Variants in CNTNAP2 observed in about 807,000 individuals in gnomAD.
CNTNAP2 encodes the protein contactin-associated protein-like 2.
In CNTNAP2, 98 loss-of-function variants were observed where a neutral mutation model predicts 155.2. The ratio of observed to expected loss-of-function variants is 0.63; its 90% confidence interval spans 0.54 to 0.75. The LOEUF (loss-of-function observed/expected upper bound fraction) is 0.75. Among genes scored for constraint, CNTNAP2 ranks in the 30% least tolerant of loss-of-function variants. The pLI, the probability that CNTNAP2 is intolerant of heterozygous loss-of-function variation, is 0.00. For missense variants in CNTNAP2, 1,727 were observed against 1,688.1 expected (o/e 1.02, Z -0.40); for synonymous variants, 651 against 631.2 (o/e 1.03, Z -0.47).
chr7:146,929,770 G>A (rs1057461387), intron 3 of CNTNAP2, among the ~76,000 whole-genome samples: 1 of 152,186 alleles, frequency 6.6e-6, no homozygotes, highest in Admixed American at 6.5e-5. Flanking sequence ...GAAAGCCAAG[G>A]CTCGAGAACT....
chr7:147,101,928 A>G (rs1800665737), intron 4 of CNTNAP2, among the ~76,000 whole-genome samples: 1 of 152,154 alleles, frequency 6.6e-6, no homozygotes, highest in Non-Finnish European at 1.5e-5. Flanking sequence ...AACTGTTCTC[A>G]TTTAGCACCA....
Position 147,061,789 on chromosome 7 carries a change from T to A in CNTNAP2, c.550+17735T>A, listed in dbSNP as rs138759484. Among the ~76,000 whole-genome samples the A allele has an allele frequency of 1.0e-2, 1,521 of 152,258 alleles. 76 individuals are homozygous for A. The highest frequency in any genetic ancestry group is 0.086 in the Admixed American group (1,309 of 15,276). On this transcript the variant is annotated intron_variant, in intron 4 of 23. Transcript: ENST00000361727. ...AAAACAAAACAAAACAAAAAAACAC[T>A]AGCTGAATAAACTAGTATACTTAGT...
chr7:147,861,607 A>G (rs1037879623), intron 13 of CNTNAP2, among the ~76,000 whole-genome samples: 1 of 152,220 alleles, frequency 6.6e-6, no homozygotes, highest in African/African-American at 2.4e-5. Context: ...CAGCCATTGC[A>G]TTATAGAATC....
chr7:147,896,901 C>T (rs559194211), intron 13 of CNTNAP2: 1 of 152,008 alleles, frequency 6.6e-6, no homozygotes, highest in Non-Finnish European at 1.5e-5. Context: ...AAGTTAGTTC[C>T]GCCTACACCC....
At chr7:147,115,486 T>C (rs990009570) in intron 5 of CNTNAP2, among the ~76,000 whole-genome samples, 50 of 152,218 alleles carry the variant, frequency 3.3e-4, no homozygotes, top group Non-Finnish European at 8.8e-5. Context: ...CTTTACATAA[T>C]TCCATATTTC....
At chr7:147,893,846 T>G (rs1799731854) in intron 13 of CNTNAP2, among the ~76,000 whole-genome samples, 1 of 152,218 alleles carries the variant, frequency 6.6e-6, no homozygotes, top group Admixed American at 6.5e-5. Flanking sequence ...AAGAGGAAGC[T>G]GTCTGTATTT....
chr7:148,283,252 A>AG (rs1422824457), intron 21 of CNTNAP2, among the ~76,000 whole-genome samples: 3 of 73,876 alleles, frequency 4.1e-5, no homozygotes, highest in Admixed American at 1.7e-4. Flanking sequence ...AAAAAAAAAA[A>AG]AAAAAAGAAA....
intron 15 of CNTNAP2, among the ~76,000 whole-genome samples, chr7:147,982,291 A>AC (rs1272794205): frequency 9.8e-6 from 1 of 101,554 alleles, no homozygotes; most frequent in African/African-American, 4.0e-5. Flanking sequence ...GTTTGTCAGA[A>AC]CCATAGGAAA....
intron 12 of CNTNAP2, among the ~76,000 whole-genome samples, chr7:147,613,836 C>T (rs1410136278): frequency 6.6e-6 from 1 of 152,056 alleles, no homozygotes; most frequent in African/African-American, 2.4e-5. Flanking sequence ...GAGTGAGACT[C>T]CGTTTCCAAT....
At chr7:148,254,592 C>T (rs533389748) in intron 20 of CNTNAP2, among the ~76,000 whole-genome samples, 6 of 152,064 alleles carry the variant, frequency 3.9e-5, no homozygotes, top group African/African-American at 1.4e-4. Context: ...CTGGCTAACA[C>T]GGTGAAACCC....
At chr7:147,536,332 A>G (rs1052864887) in intron 11 of CNTNAP2, among the ~76,000 whole-genome samples, 6 of 152,252 alleles carry the variant, frequency 3.9e-5, no homozygotes, top group African/African-American at 1.4e-4. Flanking sequence ...AGGTACAGAT[A>G]AAGTCCCTGC....
chr7:147,245,729 T>G (rs1804046072), intron 8 of CNTNAP2, among the ~76,000 whole-genome samples: 1 of 113,834 alleles, frequency 8.8e-6, no homozygotes, highest in South Asian at 2.9e-4. Flanking sequence ...GCCACTGCAC[T>G]CCAGCCTAGG....
intron 13 of CNTNAP2, among the ~76,000 whole-genome samples, chr7:147,882,610 C>T (rs1799540527): frequency 6.6e-6 from 1 of 152,192 alleles, no homozygotes. Context: ...AGGAAGGCTT[C>T]CGAGTCTCTC....
At chr7:148,330,785 G>GA (rs2116557440) in intron 21 of CNTNAP2, among the ~76,000 whole-genome samples, 1 of 120,704 alleles carries the variant, frequency 8.3e-6, no homozygotes, top group Non-Finnish European at 1.7e-5. Flanking sequence ...GGAGTTGATG[G>GA]ATGGAATGGA....
At chr7:147,557,029 C>T (rs1000121776) in intron 11 of CNTNAP2, among the ~76,000 whole-genome samples, 2 of 150,936 alleles carry the variant, frequency 1.3e-5, no homozygotes, top group South Asian at 4.2e-4. Flanking sequence ...AGGCGGGGGT[C>T]GGGAGGCTGA....
intron 13 of CNTNAP2, among the ~76,000 whole-genome samples, chr7:147,823,709 A>C (rs1382223431): frequency 7.3e-6 from 1 of 137,006 alleles, no homozygotes. Context: ...AATTACTTGC[A>C]AGCAAGGGCT....
intron 1 of CNTNAP2, among the ~76,000 whole-genome samples, chr7:146,392,036 T>C (rs1795552436): frequency 6.6e-6 from 1 of 152,098 alleles, no homozygotes; most frequent in Non-Finnish European, 1.5e-5. Context: ...TTTTAATAAA[T>C]TTTGGTGAGT....
intron 8 of CNTNAP2, among the ~76,000 whole-genome samples, chr7:147,240,017 T>A (rs966592868): frequency 6.6e-6 from 1 of 152,230 alleles, no homozygotes; most frequent in African/African-American, 2.4e-5. Context: ...GTAGTGTACA[T>A]TATTTCATCT....
At chr7:147,625,754 A>G (rs1794958846) in intron 12 of CNTNAP2, among the ~76,000 whole-genome samples, 2 of 152,304 alleles carry the variant, frequency 1.3e-5, no homozygotes, top group Non-Finnish European at 2.9e-5. Context: ...GAAAACCTGA[A>G]GGATTCCCAG....
Sources: allele counts gnomAD v4.1 joint callset (sites outside exome capture counted in the v4.1 genomes callset), GRCh38; gene constraint gnomAD v4.1.1; transcripts MANE v1.5; gene names NCBI Gene and HGNC (gene_info 2026-07-23, HGNC 2026-07-21).